RPH3A: variants seen among roughly 807,000 people sequenced by gnomAD.
RPH3A encodes the protein rabphilin 3A.
Under a neutral mutation model 102.2 loss-of-function variants are expected in RPH3A, and 48 were observed. The observed-to-expected ratio is 0.47, with a 90% CI of 0.37 to 0.60. The LOEUF (loss-of-function observed/expected upper bound fraction) is 0.60. Among genes scored for constraint, RPH3A ranks in the 20% least tolerant of loss-of-function variants. RPH3A has a pLI of 0.00. For synonymous variants in RPH3A, 310 were observed against 324.3 expected (o/e 0.96, Z 0.47); for missense variants, 781 against 910.1 (o/e 0.86, Z 1.83).
intron 1 of RPH3A, among the ~76,000 whole-genome samples, chr12:112,581,789 C>T (rs2039402948): frequency 6.7e-6 from 1 of 148,274 alleles, no homozygotes; most frequent in Non-Finnish European, 1.5e-5. Flanking sequence ...TGAACCAAAG[C>T]TGAACTGACA....
At chr12:112,684,892 TG>T (rs2040252344) in intron 1 of RPH3A, among the ~76,000 whole-genome samples, 1 of 152,180 alleles carries the variant, frequency 6.6e-6, no homozygotes, top group Non-Finnish European at 1.5e-5. Context: ...GGTAAGGGCT[TG>T]CTTCTTCATA....
At chr12:112,814,777 T>C (rs186821636) in intron 2 of RPH3A, among the ~76,000 whole-genome samples, 2 of 152,298 alleles carry the variant, frequency 1.3e-5, no homozygotes, top group Non-Finnish European at 2.9e-5. Flanking sequence ...AATGAGGTTG[T>C]ATATGAAAAT....
Position 112,897,835 on chromosome 12 carries a change from A to T in RPH3A, c.*1055A>T, listed in dbSNP as rs974453098. The T allele has an allele frequency of 2.0e-5, 3 of 152,220 alleles. No homozygotes were observed. The highest frequency in any genetic ancestry group is 7.2e-5 in the African/African-American group (3 of 41,446). The allele number at this position is 152,220 out of a possible 1,614,324, so 9.4% of individuals were successfully genotyped here. The stretch of plus-strand genomic sequence containing the variant: ...TGGCAGCATCCCTCAAGCTGTGTAG[A>T]TGCCCCATAGAGGACTCTCTCATCC... On this transcript the variant is annotated 3_prime_UTR_variant, in exon 22 of 22. Transcript: ENST00000389385.
chr12:112,752,013 G>T (rs1006176876), intron 1 of RPH3A, among the ~76,000 whole-genome samples: 1 of 152,172 alleles, frequency 6.6e-6, no homozygotes, highest in African/African-American at 2.4e-5. Flanking sequence ...GTAAGATAGG[G>T]TGTGTACCCC....
chr12:112,724,948 A>T (rs1033203950), intron 1 of RPH3A, among the ~76,000 whole-genome samples: 2 of 146,350 alleles, frequency 1.4e-5, no homozygotes, highest in African/African-American at 5.1e-5. Flanking sequence ...CAGCCTGGTG[A>T]CAGAGCGAGA....
intron 4 of RPH3A, among the ~76,000 whole-genome samples, chr12:112,839,059 G>A (rs1369412145): frequency 6.7e-6 from 1 of 149,360 alleles, no homozygotes; most frequent in Non-Finnish European, 1.5e-5. Context: ...CTCCTTGTGA[G>A]TCTCAGGCAT....
At chr12:112,877,934 T>C (rs1409889331) in intron 13 of RPH3A, among the ~76,000 whole-genome samples, 1 of 152,216 alleles carries the variant, frequency 6.6e-6, no homozygotes, top group Non-Finnish European at 1.5e-5. Flanking sequence ...AACCTGGGCA[T>C]AGTTGCTTTT....
At chr12:112,714,061 A>C (rs1357993708) in intron 1 of RPH3A, among the ~76,000 whole-genome samples, 1 of 152,148 alleles carries the variant, frequency 6.6e-6, no homozygotes, top group Non-Finnish European at 1.5e-5. Flanking sequence ...TGGTTGGTAC[A>C]TGAAGTGTGT....
chr12:112,732,646 G>C (rs2040642814), intron 1 of RPH3A, among the ~76,000 whole-genome samples: 2 of 152,306 alleles, frequency 1.3e-5, no homozygotes, highest in African/African-American at 4.8e-5. Context: ...CTGCAGTGAG[G>C]GTCCAGTCAT....
intron 1 of RPH3A, among the ~76,000 whole-genome samples, chr12:112,713,091 CTTCTTCTTCTTTT>C (rs2136037495): frequency 8.5e-6 from 1 of 117,874 alleles, no homozygotes; most frequent in Admixed American, 8.9e-5. Context: ...TCTTCTTCTT[CTTCTTCTTCTTTT>C]ATTTTTTTGT....
intron 1 of RPH3A, among the ~76,000 whole-genome samples, chr12:112,718,299 C>A (rs2040527233): frequency 6.6e-6 from 1 of 152,148 alleles, no homozygotes; most frequent in Non-Finnish European, 1.5e-5. Context: ...TATTTAAATC[C>A]ATATTTGGAT....
At chr12:112,831,383 A>G (rs1282536958) in intron 3 of RPH3A, among the ~76,000 whole-genome samples, 1 of 152,102 alleles carries the variant, frequency 6.6e-6, no homozygotes, top group Non-Finnish European at 1.5e-5. Flanking sequence ...ATAACTAATC[A>G]TGTCTGGAGT....
intron 1 of RPH3A, among the ~76,000 whole-genome samples, chr12:112,751,314 A>G (rs1216679469): frequency 6.6e-6 from 1 of 152,160 alleles, no homozygotes; most frequent in African/African-American, 2.4e-5. Flanking sequence ...GTACAGTGCT[A>G]TGATTGTGAG....
intron 1 of RPH3A, among the ~76,000 whole-genome samples, chr12:112,771,722 A>C (rs992135368): frequency 5.9e-5 from 9 of 152,214 alleles, no homozygotes; most frequent in Admixed American, 5.9e-4. Flanking sequence ...TTACCAACAC[A>C]ATGTGTTATC....
chr12:112,809,663 T>C (rs2041534669), intron 2 of RPH3A, among the ~76,000 whole-genome samples: 1 of 152,140 alleles, frequency 6.6e-6, no homozygotes, highest in African/African-American at 2.4e-5. Flanking sequence ...AGTACAATTA[T>C]AACCAGCATT....
At chr12:112,681,241 C>T (rs553805500) in intron 1 of RPH3A, among the ~76,000 whole-genome samples, 158 of 152,322 alleles carry the variant, frequency 1.0e-3, no homozygotes, top group African/African-American at 3.5e-3. Flanking sequence ...TCCAATCATC[C>T]GCCTTCTGAA....
chr12:112,609,843 A>C (rs1273182802), intron 1 of RPH3A, among the ~76,000 whole-genome samples: 1 of 152,222 alleles, frequency 6.6e-6, no homozygotes, highest in Admixed American at 6.5e-5. Flanking sequence ...TCTGACACGC[A>C]GTGGGCCAAT....
intron 20 of RPH3A, among the ~76,000 whole-genome samples, chr12:112,895,030 T>C (rs533318724): frequency 9.8e-5 from 15 of 152,288 alleles, no homozygotes; most frequent in African/African-American, 3.6e-4. Flanking sequence ...ATTTTGTAAT[T>C]AGGCAGAGAA....
chr12:112,675,614 T>C (rs1253570811), intron 1 of RPH3A, among the ~76,000 whole-genome samples: 1 of 152,190 alleles, frequency 6.6e-6, no homozygotes, highest in Non-Finnish European at 1.5e-5. Flanking sequence ...TGCTTTGCTT[T>C]ATTACTCCAA....
Sources: gnomAD v4.1 joint callset for allele counts (sites outside exome capture counted in the v4.1 genomes callset) on GRCh38, gnomAD v4.1.1 for gene constraint, MANE v1.5 for transcripts, NCBI Gene and HGNC (gene_info 2026-07-23, HGNC 2026-07-21) for gene names.